Variants in NCOR2 observed in about 807,000 individuals in gnomAD.
The protein encoded by NCOR2 is nuclear receptor corepressor 2.
A neutral mutation model predicts 262.9 loss-of-function variants in NCOR2; 81 were observed. The ratio of observed to expected loss-of-function variants is 0.31; its 90% CI spans 0.26 to 0.37. The LOEUF (loss-of-function observed/expected upper bound fraction) is 0.37. NCOR2 is among the 10% of genes least tolerant of loss of function. The pLI, the probability that NCOR2 is intolerant of heterozygous loss-of-function variation, is 1.00. For missense variants in NCOR2, 3,385 were observed against 3,621.4 expected, an observed-to-expected ratio of 0.93 and a Z score of 1.68; for synonymous variants, 1,659 against 1,559.3, an observed-to-expected ratio of 1.06 and a Z score of -1.51.
intron 8 of NCOR2, among the ~76,000 whole-genome samples, chr12:124,437,719 G>C (rs2044433513): frequency 6.6e-6 from 1 of 150,972 alleles, no homozygotes; most frequent in African/African-American, 2.4e-5. Flanking sequence ...GGGCCATAGA[G>C]CCCCCCCACC....
chr12:124,483,680 C>G lies in NCOR2; in HGVS notation c.327G>C (p.Arg109=), dbSNP rs775957969. The G allele has an allele frequency of 1.9e-6, 3 of 1,611,512 alleles. No homozygotes were observed. In the Admixed American group the frequency reaches 5.0e-5, roughly 27 times the overall value. The change falls in exon 3 of 47, where the codon CGG becomes CGC. Residue 109 remains arginine, a synonymous_variant. Transcript: ENST00000405201. This position sits in a 1 kb window ranked among gnomAD's most constrained non-coding sequence, Gnocchi z 6.3. The stretch of plus-strand genomic sequence containing the variant: ...GCAGGGGGTCAGGCAGCAGCTCTAG[C>G]CGAGGGCGCTTGCTTTCAATGAACT...
intron 11 of NCOR2, among the ~76,000 whole-genome samples, chr12:124,425,473 G>A (rs1224552138): frequency 6.6e-6 from 1 of 151,816 alleles, no homozygotes; most frequent in African/African-American, 2.4e-5. Context: ...TGTATTTTCT[G>A]TGTGGCCCAA....
At chr12:124,398,311 C>A in intron 15 of NCOR2, 130 bp from the exon 18 acceptor site, 3 of 971,414 alleles carry the variant, frequency 3.1e-6, no homozygotes, top group East Asian at 5.1e-5. Flanking sequence ...GGCTCTGAAC[C>A]CCGTGGGAAG....
At chr12:124,558,425 G>C (rs538668128) in intron 1 of NCOR2, among the ~76,000 whole-genome samples, 16 of 152,346 alleles carry the variant, frequency 1.1e-4, no homozygotes, top group African/African-American at 3.8e-4. Flanking sequence ...GGGAAGCCCT[G>C]CAGGCTGATG....
chr12:124,442,208 A>G (rs1593560536), intron 7 of NCOR2, among the ~76,000 whole-genome samples: 1 of 152,174 alleles, frequency 6.6e-6, no homozygotes, highest in African/African-American at 2.4e-5. Context: ...CAGTGGCTCG[A>G]TCATGGCTCA....
Position 124,432,603 on chromosome 12 carries a change from C to T in NCOR2, c.883-1816G>A, listed in dbSNP as rs533664556. ...TGTACAACATGCGGGCCCGTCAGCCCTGGGGAGGGGCAGCCGCCAGAGAAA... is the reference window on the plus strand; with the variant it reads ...TGTACAACATGCGGGCCCGTCAGCCTTGGGGAGGGGCAGCCGCCAGAGAAA... On this transcript the variant is annotated intron_variant, in intron 8 of 46. Coordinates refer to ENST00000405201, the Ensembl canonical transcript of NCOR2. The surrounding 1 kb of genome is among the most constrained non-coding windows in gnomAD (Gnocchi z 5.1). 5.9e-5 allele frequency among the ~76,000 whole-genome samples: 9 copies of T among 152,308 alleles called. No individual in the cohort carries two copies. The East Asian group carries it at 1.7e-3, about 29-fold the overall frequency.
chr12:124,330,546 C>T (rs1031904474), intron 44 of NCOR2, among the ~76,000 whole-genome samples: 1 of 152,228 alleles, frequency 6.6e-6, no homozygotes, highest in Admixed American at 6.5e-5. Flanking sequence ...CCAGCTGAGG[C>T]TGGCGAAGAA....
Position 124,378,248 on chromosome 12 carries a change from T to C in NCOR2, c.2156A>G (p.Glu719Gly), listed in dbSNP as rs755715468. The C allele has an allele frequency of 6.2e-7, 1 of 1,613,726 alleles. No homozygotes were observed. Among genetic ancestry groups the C allele is most frequent in the Non-Finnish European group, 8.5e-7 (1 of 1,179,742 alleles). Residue 719 changes from glutamate to glycine, a missense_variant, in exon 18 of 47, where the codon GAG (glutamate) becomes GGG (glycine). Glu to Gly is a moderately conservative substitution (Grantham distance 98). Around this residue, in one of 5 missense-constraint regions of NCOR2, gnomAD observed 515 missense variants for 781.2 expected, o/e 0.66. Coordinates refer to ENST00000405201, the Ensembl canonical transcript of NCOR2. This position sits in a 1 kb window ranked among gnomAD's most constrained non-coding sequence, Gnocchi z 4.2. ...GCGCCAGCCCTCACCTTCAGCCTCC[T>C]CCACCATCTCCTCCTCATTTCCGCT...
At chr12:124,363,184 G>A (rs1486665499) in intron 21 of NCOR2, among the ~76,000 whole-genome samples, 3 of 152,242 alleles carry the variant, frequency 2.0e-5, no homozygotes, top group Non-Finnish European at 4.4e-5. Flanking sequence ...CCACCAGCCT[G>A]GTCAGCTCAG....
chr12:124,536,785 A>G (rs1238249760), upstream of NCOR2, among the ~76,000 whole-genome samples: 3 of 152,274 alleles, frequency 2.0e-5, no homozygotes, highest in Non-Finnish European at 4.4e-5. Context: ...CATATGACTC[A>G]GTAATTCAAC....
At position 124,437,987 on chromosome 12, in the gene NCOR2, C is replaced by T. The variant is rs758789644; in HGVS notation, c.825G>A (p.Ala275=). The change falls in exon 8 of 47, where the codon GCG becomes GCA. Residue 275 remains alanine (A), a synonymous_variant. Transcript: ENST00000405201. ...AGTACAAGATTAGCTTCTTCCGCAT[C>T]GCCTGGTTTCTGTGCAGGAGGGAAG... 40 of 1,610,544 alleles carry T rather than the reference C, an allele frequency of 2.5e-5. No homozygotes were observed. The East Asian group carries it at 3.3e-4, about 13-fold the overall frequency.
intron 16 of NCOR2, among the ~76,000 whole-genome samples, chr12:124,393,145 C>T (rs2041425996): frequency 6.6e-6 from 1 of 152,240 alleles, no homozygotes; most frequent in Admixed American, 6.5e-5. Flanking sequence ...TCGGGCCTCT[C>T]GCACAGCTGG....
chr12:124,545,953 C>T (rs894741691), intron 1 of NCOR2, among the ~76,000 whole-genome samples: 2 of 152,324 alleles, frequency 1.3e-5, no homozygotes, highest in Non-Finnish European at 2.9e-5. Flanking sequence ...CAAAGCCACA[C>T]ATTACCTGGG....
chr12:124,549,026 T>C lies in NCOR2; in HGVS notation c.-164-13415A>G, dbSNP rs2051628614. Among the ~76,000 whole-genome samples the C allele has an allele frequency of 6.6e-6, 1 of 151,608 alleles. No homozygotes were observed. Among genetic ancestry groups the C allele is most frequent in the Non-Finnish European group, 1.5e-5 (1 of 67,938 alleles). ...CTGTTGTTGTTAATTCTGTGTCGAG[T>C]CTAGTCTGTATTAAGGAGGAATTTC... On this transcript the variant is annotated intron_variant, in intron 1 of 32. Coordinates refer to the NCOR2 transcript ENST00000458234. The surrounding 1 kb of genome is among the most constrained non-coding windows in gnomAD (Gnocchi z 4.4).
At chr12:124,468,165 CTCTTCA>C (rs1292143450) in intron 4 of NCOR2, among the ~76,000 whole-genome samples, 1 of 37,372 alleles carries the variant, frequency 2.7e-5, no homozygotes, top group Non-Finnish European at 5.8e-5. Flanking sequence ...CCTCATCACC[CTCTTCA>C]CCCTCATCCT....
At chr12:124,534,708 C>T (rs2051034227) in intron 1 of NCOR2, among the ~76,000 whole-genome samples, 1 of 152,192 alleles carries the variant, frequency 6.6e-6, no homozygotes, top group Non-Finnish European at 1.5e-5. Context: ...GAGAAACTTG[C>T]TGCATTCCCT....
chr12:124,336,998 A>G (rs1368931541), exon 38 of NCOR2: 1 of 1,511,244 alleles, frequency 6.6e-7, no homozygotes, highest in African/African-American at 1.4e-5. Flanking sequence ...GGGCTTGGCG[A>G]GGAAGGCATG....
At chr12:124,453,207 C>G (rs2045651189) in intron 6 of NCOR2, among the ~76,000 whole-genome samples, 1 of 152,212 alleles carries the variant, frequency 6.6e-6, no homozygotes, top group Non-Finnish European at 1.5e-5. Flanking sequence ...CCAGCCCAGG[C>G]TAGCCGGGGT....
Position 124,517,582 on chromosome 12 carries a change from C to A in NCOR2, c.-118+17983G>T, listed in dbSNP as rs952777699. 7.9e-5 allele frequency among the ~76,000 whole-genome samples: 12 copies of A among 152,304 alleles called. No individual in the cohort carries two copies. The highest frequency in any genetic ancestry group is 2.2e-4 in the African/African-American group (9 of 41,576). ...CTGGCTCTCCCCTGCCTGAGCCCAC[C>A]GCGGAGCCCCAGGGCAGAGCCTCGG... On this transcript the variant is annotated intron_variant, in intron 1 of 46. Coordinates refer to the NCOR2 transcript ENST00000404621. The surrounding 1 kb of genome is among the most constrained non-coding windows in gnomAD (Gnocchi z 7.6).
Sources: gnomAD v4.1 joint callset for allele counts (sites outside exome capture counted in the v4.1 genomes callset) on GRCh38, gnomAD v4.1.1 for gene constraint, gnomAD v4.1.1 regional missense constraint, Gnocchi (gnomAD v3.1) non-coding constraint, MANE v1.5 for transcripts, NCBI Gene and HGNC (gene_info 2026-07-23, HGNC 2026-07-21) for gene names.